The following TMCC1 variants were observed in gnomAD, a reference collection of about 807,000 sequenced individuals.
TMCC1 encodes the protein transmembrane and coiled-coil domains protein 1.
In TMCC1, 15 loss-of-function variants were observed where a neutral mutation model predicts 52.4. That is an observed-to-expected ratio of 0.29 (90% CI 0.19 to 0.44). The LOEUF is 0.44. Ranked by LOEUF, TMCC1 falls within the 20% of genes least tolerant of loss-of-function variation. The pLI, the probability that TMCC1 is intolerant of heterozygous loss-of-function variation, is 1.00. For synonymous variants in TMCC1, 279 were observed against 301.9 expected (o/e 0.92, Z 0.79); for missense variants, 503 against 806.0 (o/e 0.62, Z 4.55).
At chr3:129,756,266 T>C (rs944506492) in intron 4 of TMCC1, among the ~76,000 whole-genome samples, 1 of 152,174 alleles carries the variant, frequency 6.6e-6, no homozygotes, top group Non-Finnish European at 1.5e-5. Context: ...TTCTTCATCA[T>C]CACTAAATAC....
intron 4 of TMCC1, among the ~76,000 whole-genome samples, chr3:129,765,158 A>C (rs1447572888): frequency 6.6e-6 from 1 of 151,082 alleles, no homozygotes; most frequent in Non-Finnish European, 1.5e-5. Flanking sequence ...CCCAAAAGTC[A>C]CCTGCCCCAT....
At chr3:129,890,604 C>T (rs1301755404) in intron 1 of TMCC1, among the ~76,000 whole-genome samples, 1 of 152,160 alleles carries the variant, frequency 6.6e-6, no homozygotes, top group East Asian at 1.9e-4. Flanking sequence ...AAATTCTATA[C>T]CATCCCCCAC....
At position 129,812,439 on chromosome 3, in the gene TMCC1, A is replaced by G. The variant is rs184423151; in HGVS notation, c.576+15364T>C. Among the ~76,000 whole-genome samples, 11 of 151,938 alleles carry G rather than the reference A, an allele frequency of 7.2e-5. No individual in the cohort carries two copies. The East Asian group carries it at 1.9e-3, about 27-fold the overall frequency. ...CTATAACAAAGAAACTTAAGCTGGT[A>G]CTCTGTAGGACTACAATCACATCCA... On this transcript the variant is annotated intron_variant, in intron 4 of 6. Coordinates refer to ENST00000393238, the MANE Select transcript of TMCC1 (RefSeq NM_001017395.5).
intron 4 of TMCC1, among the ~76,000 whole-genome samples, chr3:129,799,105 T>C (rs1176107490): frequency 6.6e-6 from 1 of 152,192 alleles, no homozygotes; most frequent in African/African-American, 2.4e-5. Context: ...AAAATTTGAG[T>C]ACCATATACA....
At chr3:129,844,572 T>C (rs1005589671) in intron 2 of TMCC1, among the ~76,000 whole-genome samples, 4 of 152,214 alleles carry the variant, frequency 2.6e-5, no homozygotes, top group Non-Finnish European at 5.9e-5. Context: ...TGGTAGTTTT[T>C]GCCTTGTCTT....
chr3:129,829,518 TG>T (rs2107837062), intron 3 of TMCC1, among the ~76,000 whole-genome samples: 1 of 148,824 alleles, frequency 6.7e-6, no homozygotes, highest in Non-Finnish European at 1.5e-5. Flanking sequence ...TAATAGAAAG[TG>T]TTTATTTTTG....
At chr3:129,847,562 T>A (rs1233645964) in intron 2 of TMCC1, 1 of 152,230 alleles carries the variant, frequency 6.6e-6, no homozygotes, top group East Asian at 1.9e-4. Flanking sequence ...CAAATTTGTT[T>A]ATCCATACAC....
intron 2 of TMCC1, among the ~76,000 whole-genome samples, chr3:129,837,052 T>C (rs2059191933): frequency 6.6e-6 from 1 of 152,148 alleles, no homozygotes; most frequent in Non-Finnish European, 1.5e-5. Flanking sequence ...ACACCCAATT[T>C]TCACCCTTAT....
rs1389794462 is a variant in TMCC1, at chr3:129,648,643, A to G, written c.*2838T>C. The G allele has an allele frequency of 1.3e-5, 2 of 152,176 alleles. No individual in the cohort carries two copies. The highest frequency in any genetic ancestry group is 4.8e-5 in the African/African-American group (2 of 41,446). The allele number at this position is 152,176 out of a possible 1,614,324, so 9.4% of individuals were successfully genotyped here. ...ACCCAGGCTAGAGGCATGGACAAAT[A>G]AACCAGGAATGTTTCATTTTAAAGG... On this transcript the variant is annotated 3_prime_UTR_variant, in exon 7 of 7. Coordinates refer to ENST00000393238, the MANE Select transcript of TMCC1 (RefSeq NM_001017395.5).
At chr3:129,817,774 A>G (rs1034405526) in intron 4 of TMCC1, among the ~76,000 whole-genome samples, 6 of 151,910 alleles carry the variant, frequency 3.9e-5, no homozygotes, top group African/African-American at 1.5e-4. Flanking sequence ...CATCCTCCCA[A>G]GGAGCTGGAA....
At chr3:129,725,417 C>T (rs1407848143) in intron 4 of TMCC1, among the ~76,000 whole-genome samples, 3 of 151,988 alleles carry the variant, frequency 2.0e-5, no homozygotes, top group Non-Finnish European at 4.4e-5. Context: ...CCTAATCGTA[C>T]AATTTCTAAT....
rs2086154085 is a variant in TMCC1 at position 129,648,608 on chromosome 3, A to G, written c.*2873T>C. The G allele has an allele frequency of 6.6e-6, 1 of 152,246 alleles. No individual in the cohort carries two copies. The highest frequency in any genetic ancestry group is 2.1e-4 in the South Asian group (1 of 4,834). The allele number at this position is 152,246 out of a possible 1,614,324, so 9.4% of individuals were successfully genotyped here. A position where few individuals can be genotyped will look rare whatever the true frequency, so the allele number is the denominator to read the frequency against. ...AACAATCACCCAGGCCAACACAGCC[A>G]GCTTCACTCACCCAGGCTAGAGGCA... is the stretch of plus-strand genomic sequence containing the variant. On this transcript the variant is annotated 3_prime_UTR_variant, in exon 7 of 7. Transcript: ENST00000393238.
chr3:129,704,861 T>C (rs927653058), intron 4 of TMCC1, among the ~76,000 whole-genome samples: 2 of 152,224 alleles, frequency 1.3e-5, no homozygotes, highest in Admixed American at 6.5e-5. Context: ...AGATGTTCAC[T>C]GTCACAAGTT....
chr3:129,690,333 T>C (rs554474605), intron 4 of TMCC1, among the ~76,000 whole-genome samples: 2 of 152,308 alleles, frequency 1.3e-5, no homozygotes, highest in Admixed American at 1.3e-4. Context: ...CAGTCTAAAA[T>C]AAAATCTAGT....
At chr3:129,796,081 A>T (rs1170787564) in intron 4 of TMCC1, among the ~76,000 whole-genome samples, 1 of 152,250 alleles carries the variant, frequency 6.6e-6, no homozygotes, top group Admixed American at 6.5e-5. Context: ...CATTTCAGTT[A>T]ACAACTAGCC....
intron 1 of TMCC1, among the ~76,000 whole-genome samples, chr3:129,891,723 T>G (rs1211976051): frequency 6.6e-6 from 1 of 152,228 alleles, no homozygotes; most frequent in Non-Finnish European, 1.5e-5. Context: ...GCCCAGTACT[T>G]AGAAAACATC....
At chr3:129,817,958 A>G (rs1036906407) in intron 4 of TMCC1, among the ~76,000 whole-genome samples, 9 of 152,112 alleles carry the variant, frequency 5.9e-5, no homozygotes, top group Non-Finnish European at 2.9e-5. Flanking sequence ...GACCACAGAC[A>G]TGTGCCACGC....
At chr3:129,813,061 T>C (rs1389580560) in intron 4 of TMCC1, among the ~76,000 whole-genome samples, 2 of 152,050 alleles carry the variant, frequency 1.3e-5, no homozygotes, top group Admixed American at 6.6e-5. Flanking sequence ...TATGAAAAAA[T>C]ACTCAACATC....
At chr3:129,800,661 TCCA>T (rs2057129204) in intron 4 of TMCC1, among the ~76,000 whole-genome samples, 2 of 80,088 alleles carry the variant, frequency 2.5e-5, no homozygotes, top group South Asian at 1.0e-3. Flanking sequence ...TATATATCCA[TCCA>T]TCTGAGTATT....
Sources: allele counts gnomAD v4.1 joint callset (sites outside exome capture counted in the v4.1 genomes callset), GRCh38; gene constraint gnomAD v4.1.1; transcripts MANE v1.5; gene names NCBI Gene and HGNC (gene_info 2026-07-23, HGNC 2026-07-21).